Variants in NR3C2 observed in about 807,000 individuals in gnomAD.
The protein encoded by NR3C2 is nuclear receptor subfamily 3 group C member 2, also known as mineralocorticoid receptor.
In NR3C2, 15 loss-of-function variants were observed where a neutral mutation model predicts 86.4. The observed-to-expected ratio is 0.17, with a 90% CI of 0.12 to 0.27. NR3C2 has a LOEUF of 0.27. NR3C2 is among the 10% of genes least tolerant of loss of function. The pLI is 1.00. For missense variants in NR3C2, 960 were observed against 1,195.6 expected, an observed-to-expected ratio of 0.80 and a Z score of 2.91; for synonymous variants, 458 against 450.5, an observed-to-expected ratio of 1.02 and a Z score of -0.21.
intron 2 of NR3C2, among the ~76,000 whole-genome samples, chr4:148,408,358 A>C (rs927880629): frequency 6.6e-6 from 1 of 152,244 alleles, no homozygotes; most frequent in Admixed American, 6.5e-5. Context: ...CTAGGAACAT[A>C]AACTAGATTT....
intron 2 of NR3C2, among the ~76,000 whole-genome samples, chr4:148,393,042 T>C (rs1325955841): frequency 6.6e-6 from 1 of 152,254 alleles, no homozygotes; most frequent in Admixed American, 6.5e-5. Flanking sequence ...CAGGCTGTAA[T>C]AAATGCTGAA....
chr4:148,340,036 G>A (rs955303998), intron 2 of NR3C2, among the ~76,000 whole-genome samples: 13 of 152,032 alleles, frequency 8.6e-5, no homozygotes, highest in East Asian at 1.9e-4. Flanking sequence ...AAACACTGAC[G>A]AAAGAAATTG....
chr4:148,295,026 A>C (rs2149913076), intron 2 of NR3C2, among the ~76,000 whole-genome samples: 1 of 152,252 alleles, frequency 6.6e-6, no homozygotes, highest in African/African-American at 2.4e-5. Context: ...TAGTACCATT[A>C]ATCAGATGAT....
chr4:148,436,950 CA>C, intron 1 of NR3C2, 88 bp from the exon 2 acceptor site: 1 of 1,048,776 alleles, frequency 9.5e-7, no homozygotes, highest in East Asian at 2.6e-5. Context: ...TGCTAAGCCA[CA>C]AAACATATTC....
intron 3 of NR3C2, among the ~76,000 whole-genome samples, chr4:148,221,887 C>CT (rs1737870162): frequency 8.8e-6 from 1 of 113,404 alleles, no homozygotes; most frequent in Non-Finnish European, 1.7e-5. Flanking sequence ...GAGCAAGACT[C>CT]TGTCTTAAAA....
intron 3 of NR3C2, among the ~76,000 whole-genome samples, chr4:148,232,527 A>G (rs1738519649): frequency 6.6e-6 from 1 of 152,224 alleles, no homozygotes; most frequent in South Asian, 2.1e-4. Context: ...TGCATCATGT[A>G]TAGAGTACAG....
chr4:148,399,524 T>C (rs1301908205), intron 2 of NR3C2, among the ~76,000 whole-genome samples: 1 of 152,114 alleles, frequency 6.6e-6, no homozygotes, highest in East Asian at 1.9e-4. Context: ...GGGTTATCCA[T>C]ATCGAATTTT....
intron 4 of NR3C2, among the ~76,000 whole-genome samples, chr4:148,182,082 T>C (rs555497735): frequency 3.9e-5 from 6 of 152,354 alleles, no homozygotes; most frequent in African/African-American, 1.4e-4. Flanking sequence ...AGAAAAGGTC[T>C]TCCAAGTATT....
At chr4:148,099,794 T>G (rs1193374819) in intron 8 of NR3C2, among the ~76,000 whole-genome samples, 1 of 152,186 alleles carries the variant, frequency 6.6e-6, no homozygotes, top group African/African-American at 2.4e-5. Context: ...TAGATATATT[T>G]CAGATCAGGA....
chr4:148,240,816 G>C (rs1738990500), intron 3 of NR3C2, among the ~76,000 whole-genome samples: 1 of 152,202 alleles, frequency 6.6e-6, no homozygotes, highest in Non-Finnish European at 1.5e-5. Context: ...ATTGCAGGAA[G>C]CAAGTCTTCA....
rs989630678 is a variant in NR3C2 at position 148,181,614 on chromosome 4, T to C, written c.2014+13132A>G. Among the ~76,000 whole-genome samples the C allele has an allele frequency of 3.9e-5, 6 of 152,170 alleles. No individual in the cohort carries two copies. In the South Asian group the frequency reaches 1.2e-3, roughly 32 times the overall value. ...GTAAAAGTGAAGTGAATTAATTCCT[T>C]TGAAAAAAGCTACACAAAGCAGAAA... is the stretch of plus-strand genomic sequence containing the variant. On this transcript the variant is annotated intron_variant, in intron 4 of 8. Coordinates refer to ENST00000358102, the MANE Select transcript of NR3C2 (RefSeq NM_000901.5).
intron 3 of NR3C2, among the ~76,000 whole-genome samples, chr4:148,232,061 T>C (rs901995806): frequency 2.0e-5 from 3 of 152,206 alleles, no homozygotes; most frequent in African/African-American, 7.2e-5. Flanking sequence ...CTCAAAGTCA[T>C]CCATGATGGA....
intron 2 of NR3C2, among the ~76,000 whole-genome samples, chr4:148,407,947 T>G (rs1748502724): frequency 6.6e-6 from 1 of 152,170 alleles, no homozygotes. Flanking sequence ...ATGCTCTCAG[T>G]AAAACCTTCC....
intron 2 of NR3C2, among the ~76,000 whole-genome samples, chr4:148,360,498 C>G (rs1745784904): frequency 6.6e-6 from 1 of 152,142 alleles, no homozygotes; most frequent in Non-Finnish European, 1.5e-5. Context: ...GCAAAACAAA[C>G]AACTCAGCCA....
At chr4:148,440,877 T>C (rs1750305567) in intron 1 of NR3C2, among the ~76,000 whole-genome samples, 1 of 152,204 alleles carries the variant, frequency 6.6e-6, no homozygotes, top group African/African-American at 2.4e-5. Context: ...AAACCCAATC[T>C]CATCATGATG....
intron 3 of NR3C2, among the ~76,000 whole-genome samples, chr4:148,221,023 C>T (rs1737810453): frequency 6.6e-6 from 1 of 151,032 alleles, no homozygotes; most frequent in East Asian, 1.9e-4. Context: ...GAAACATGTA[C>T]CAAGAATATC....
intron 1 of NR3C2, among the ~76,000 whole-genome samples, chr4:148,437,429 C>G (rs1750133216): frequency 6.6e-6 from 1 of 152,096 alleles, no homozygotes; most frequent in African/African-American, 2.4e-5. Context: ...AGTGAATTAT[C>G]ATAGGAAAAA....
At chr4:148,155,603 G>A (rs1350228549) in intron 4 of NR3C2, among the ~76,000 whole-genome samples, 1 of 152,054 alleles carries the variant, frequency 6.6e-6, no homozygotes, top group Admixed American at 6.5e-5. Context: ...ACTGCTCAAG[G>A]AAATAAGAGG....
Position 148,084,520 on chromosome 4 carries a change from T to A in NR3C2, c.2800-3021A>T, listed in dbSNP as rs542850217. ...TTACAAGAGCTCCTGAAGGAAGCGC[T>A]AGACATGGAAAGGAACAACTAGTAC... On this transcript the variant is annotated intron_variant, in intron 8 of 8. Transcript: ENST00000358102. 9.7e-4 allele frequency among the ~76,000 whole-genome samples: 147 copies of A among 152,302 alleles called. 1 individual carries two copies. The highest frequency in any genetic ancestry group is 1.7e-3 in the Non-Finnish European group (114 of 68,028).
Sources: allele counts gnomAD v4.1 joint callset (sites outside exome capture counted in the v4.1 genomes callset), GRCh38; gene constraint gnomAD v4.1.1; transcripts MANE v1.5; gene names NCBI Gene and HGNC (gene_info 2026-07-23, HGNC 2026-07-21).